IL18RAP: variants seen among roughly 807,000 people sequenced by gnomAD.
The protein encoded by IL18RAP is interleukin-18 receptor accessory protein.
In IL18RAP, 37 loss-of-function variants were observed where a neutral mutation model predicts 58.1. That is an observed-to-expected ratio of 0.64 (90% CI 0.49 to 0.84). IL18RAP has a LOEUF of 0.84. IL18RAP is among the 40% of genes least tolerant of loss of function. The pLI is 0.00. For synonymous variants in IL18RAP, 268 were observed against 257.5 expected, an observed-to-expected ratio of 1.04 and a Z score of -0.39; for missense variants, 667 against 704.8, an observed-to-expected ratio of 0.95 and a Z score of 0.61.
At chr2:102,445,907 C>A (rs1000727585) in intron 7 of IL18RAP, among the ~76,000 whole-genome samples, 2 of 151,796 alleles carry the variant, frequency 1.3e-5, no homozygotes, top group Non-Finnish European at 2.9e-5. Context: ...AAATTGATAT[C>A]ATTCATTCCT....
At chr2:102,421,321 T>C (rs1334452666), upstream of IL18RAP, among the ~76,000 whole-genome samples, 3 of 152,192 alleles carry the variant, frequency 2.0e-5, no homozygotes, top group Admixed American at 2.0e-4. Context: ...AACGACTCTC[T>C]GAGGAAGAAA....
At chr2:102,422,323 G>T (rs542876008), upstream of IL18RAP, among the ~76,000 whole-genome samples, 1 of 152,190 alleles carries the variant, frequency 6.6e-6, no homozygotes, top group Non-Finnish European at 1.5e-5. Flanking sequence ...TTCCTTTTAG[G>T]TTTGTCATTC....
Position 102,452,048 on chromosome 2 carries a change from G to A in IL18RAP, c.1667G>A (p.Arg556His), listed in dbSNP as rs762379321. 5 of 1,614,058 alleles carry A rather than the reference G, an allele frequency of 3.1e-6. No homozygotes were observed. The highest frequency in any genetic ancestry group is 1.3e-5 in the African/African-American group (1 of 75,018). Residue 556 changes from arginine to histidine, a missense_variant, in exon 10 of 10, where the codon CGC becomes CAC. Arg to His is a conservative substitution (Grantham distance 29, BLOSUM62 0). Coordinates refer to ENST00000687160, the MANE Select transcript of IL18RAP (RefSeq NM_001393487.1). Reference protein sequence around the residue: ...PPNSRFWAKMRYHMPVKNSQG... With the variant: ...PPNSRFWAKMHYHMPVKNSQG... ...AATTCTAGGTTCTGGGCCAAAATGCGCTACCACATGCCTGTGAAAAACTCT... is the reference window on the plus strand; with the variant it reads ...AATTCTAGGTTCTGGGCCAAAATGCACTACCACATGCCTGTGAAAAACTCT...
upstream of IL18RAP, among the ~76,000 whole-genome samples, chr2:102,422,411 C>A (rs1253220852): frequency 6.6e-6 from 1 of 152,206 alleles, no homozygotes; most frequent in Non-Finnish European, 1.5e-5. Flanking sequence ...CCTTATGGGG[C>A]AACAGAAACA....
intron 3 of IL18RAP, among the ~76,000 whole-genome samples, chr2:102,432,090 C>A (rs1682401177): frequency 6.6e-6 from 1 of 152,070 alleles, no homozygotes. Flanking sequence ...AGCAGACCTT[C>A]ACTATGTAGT....
At chr2:102,441,831 T>A (rs1355178109) in intron 5 of IL18RAP, among the ~76,000 whole-genome samples, 2 of 151,676 alleles carry the variant, frequency 1.3e-5, no homozygotes, top group Non-Finnish European at 2.9e-5. Context: ...GAGGTTACAG[T>A]GAGCCGAGAT....
chr2:102,447,293 C>A, intron 8 of IL18RAP, 86 bp downstream of exon 8: 1 of 1,451,406 alleles, frequency 6.9e-7, no homozygotes, highest in Non-Finnish European at 9.4e-7. Context: ...ATCACTACCC[C>A]TTGGCTTTGT....
chr2:102,449,383 T>G (rs1683625442), intron 8 of IL18RAP, among the ~76,000 whole-genome samples: 1 of 152,244 alleles, frequency 6.6e-6, no homozygotes, highest in Non-Finnish European at 1.5e-5. Flanking sequence ...ATAACTTTTT[T>G]GAATGAAGCA....
intron 3 of IL18RAP, among the ~76,000 whole-genome samples, chr2:102,428,563 C>T (rs1682124811): frequency 6.6e-6 from 1 of 151,772 alleles, no homozygotes; most frequent in African/African-American, 2.4e-5. Flanking sequence ...ATTTTACATC[C>T]TGCAATTTTA....
chr2:102,446,856 A>G (rs144997876), intron 7 of IL18RAP, among the ~76,000 whole-genome samples: 2 of 152,066 alleles, frequency 1.3e-5, no homozygotes, highest in Non-Finnish European at 2.9e-5. Flanking sequence ...GTTGCTGCAC[A>G]TGCCATTATT....
chr2:102,445,239 A>G lies in IL18RAP; in HGVS notation c.971A>G (p.Glu324Gly), dbSNP rs773922969. 1.2e-6 allele frequency: 2 copies of G among 1,613,800 alleles called. No homozygotes were observed. The highest frequency in any genetic ancestry group is 2.7e-5 in the African/African-American group (2 of 74,920). ...ATCATTGAGCGTAATATCATCTTGG[A>G]AAAAGTCACTCAGCGTGATCTTCGC... ...DEIIERNIIL[E>G]KVTQRDLRRK... Residue 324 changes from glutamate (E) to glycine (G), a missense_variant, in exon 7 of 10, where the codon GAA becomes GGA. By Grantham distance (98) the Glu-to-Gly change is moderately conservative. Transcript: ENST00000687160.
chr2:102,443,324 G>GT lies in IL18RAP; in HGVS notation c.920+2dup. 6.2e-7 allele frequency: 1 copy of GT among 1,609,730 alleles called. No individual in the cohort carries two copies. The highest frequency in any genetic ancestry group is 8.5e-7 in the Non-Finnish European group (1 of 1,179,116). On this transcript the variant is annotated splice_donor_variant, in intron 6 of 9. Coordinates refer to ENST00000687160, the MANE Select transcript of IL18RAP (RefSeq NM_001393487.1). LOFTEE classifies it high-confidence loss of function. ...AAGTCTCAGTACCTGAGGCGAAAAG[G>GT]TAAGAAAAAAACTCACGGATTCTGT... is the stretch of plus-strand genomic sequence containing the variant.
Position 102,437,280 on chromosome 2 carries a change from G to A in IL18RAP, c.648G>A (p.Gln216=). 1 of 1,613,782 alleles carries A rather than the reference G, an allele frequency of 6.2e-7. No homozygotes were observed. The highest frequency in any genetic ancestry group is 8.5e-7 in the Non-Finnish European group (1 of 1,179,806). Residue 216 remains glutamine (Q), a synonymous_variant, in exon 4 of 10, where the codon CAG becomes CAA. Transcript: ENST00000687160. The part of the protein sequence containing the change: ...IVVDEVYDYH[Q]GTYVCDYTQS... ...TGGATGAAGTTTATGACTATCACCA[G>A]GGCACATATGTATGTGATTACACTC...
Position 102,443,339 on chromosome 2 carries a change from A to T in IL18RAP, c.920+16A>T. The T allele has an allele frequency of 6.2e-7, 1 of 1,610,292 alleles. No homozygotes were observed. Among genetic ancestry groups the T allele is most frequent in the Non-Finnish European group, 8.5e-7 (1 of 1,179,416 alleles). On this transcript the variant is annotated intron_variant, in intron 6 of 9. Coordinates refer to ENST00000687160, the MANE Select transcript of IL18RAP (RefSeq NM_001393487.1). Reference sequence around the variant, plus strand: ...AGGCGAAAAGGTAAGAAAAAAACTCACGGATTCTGTTCTCTGCAATTCAGA... The same window carrying T: ...AGGCGAAAAGGTAAGAAAAAAACTCTCGGATTCTGTTCTCTGCAATTCAGA...
chr2:102,437,673 A>C (rs1226347513), intron 4 of IL18RAP, among the ~76,000 whole-genome samples: 5 of 152,212 alleles, frequency 3.3e-5, no homozygotes, highest in Non-Finnish European at 1.5e-5. Flanking sequence ...ACCTATCACC[A>C]GTTTTAACTA....
At chr2:102,432,283 AGCTCTGTGATTGCCTCTGATCAG>A (rs1199132397) in intron 3 of IL18RAP, 1 of 153,412 alleles carries the variant, frequency 6.5e-6, no homozygotes, top group Non-Finnish European at 1.5e-5. Flanking sequence ...TCGCTGGCTG[AGCTCTGTGATTGCCTCTGATCAG>A]GCAAAATTGC....
rs760752870 is a variant in IL18RAP at position 102,452,013 on chromosome 2, A to C, written c.1632A>C (p.Ser544=). 6.2e-7 allele frequency: 1 copy of C among 1,614,184 alleles called. No homozygotes were observed. Among genetic ancestry groups the C allele is most frequent in the Non-Finnish European group, 8.5e-7 (1 of 1,180,038 alleles). ...LPTVTWRGLK[S]VPPNSRFWAK... ...CAGTTACTTGGAGAGGCTTAAAATC[A>C]GTTCCTCCCAATTCTAGGTTCTGGG... is the stretch of plus-strand genomic sequence containing the variant. Residue 544 remains serine, a synonymous_variant, in exon 10 of 10, where the codon TCA becomes TCC. Transcript: ENST00000687160.
At chr2:102,428,381 T>G (rs970439909) in intron 3 of IL18RAP, among the ~76,000 whole-genome samples, 1 of 92,626 alleles carries the variant, frequency 1.1e-5, no homozygotes, top group Non-Finnish European at 2.6e-5. Flanking sequence ...TTTTGTTAGT[T>G]TTTTTTTTTT....
intron 5 of IL18RAP, among the ~76,000 whole-genome samples, chr2:102,441,828 C>G (rs952479608): frequency 6.6e-6 from 1 of 151,784 alleles, no homozygotes; most frequent in Admixed American, 6.6e-5. Context: ...GCGGAGGTTA[C>G]AGTGAGCCGA....
Sources: gnomAD v4.1 joint callset for allele counts (sites outside exome capture counted in the v4.1 genomes callset) on GRCh38, gnomAD v4.1.1 for gene constraint, MANE v1.5 for transcripts, NCBI Gene and HGNC (gene_info 2026-07-23, HGNC 2026-07-21) for gene names.